HADHB: variants seen among roughly 807,000 people sequenced by gnomAD.
HADHB encodes trifunctional enzyme subunit beta, mitochondrial.
A neutral mutation model predicts 61.9 loss-of-function variants in HADHB; 50 were observed. The ratio of observed to expected loss-of-function variants is 0.81; its 90% confidence interval spans 0.64 to 1.02. The LOEUF (loss-of-function observed/expected upper bound fraction) is 1.02, where lower values mean the gene tolerates loss of function less well. Ranked by LOEUF, HADHB falls within the 50% of genes least tolerant of loss-of-function variation. The pLI is 0.00. For missense variants in HADHB, 504 were observed against 586.5 expected (o/e 0.86, Z 1.45); for synonymous variants, 191 against 201.6 (o/e 0.95, Z 0.45).
chr2:26,285,488 A>G lies in HADHB; in HGVS notation c.1306A>G (p.Arg436Gly). 4 of 1,613,828 alleles carry G rather than the reference A, an allele frequency of 2.5e-6. No homozygotes were observed. The highest frequency in any genetic ancestry group is 3.4e-6 in the Non-Finnish European group (4 of 1,179,730). The part of the protein sequence containing the change: ...LGHPFGATGC[R>G]LVMAAANRLR... ...ACACCCATTTGGAGCCACTGGCTGCAGGTTGGTCATGGCTGCTGCCAACAG... is the reference window on the plus strand; with the variant it reads ...ACACCCATTTGGAGCCACTGGCTGCGGGTTGGTCATGGCTGCTGCCAACAG... The change falls in exon 15 of 16, where the codon AGG (arginine) becomes GGG (glycine). Residue 436 changes from arginine to glycine, a missense_variant. Transcript: ENST00000317799.
intron 15 of HADHB, among the ~76,000 whole-genome samples, 168 bp downstream of exon 15, chr2:26,285,739 G>GTTTTTTTTTTTTTTTTTGTTTTTTTTTTT (rs1673003201): frequency 1.5e-5 from 1 of 65,082 alleles, no homozygotes; most frequent in African/African-American, 6.6e-5. Context: ...TGTTTTTTGG[G>GTTTTTTTTTTTTTTTTTGTTTTTTTTTTT]TTTTTTTTTT....
At chr2:26,256,552 CA>C (rs1382084289) in intron 3 of HADHB, among the ~76,000 whole-genome samples, 1 of 151,948 alleles carries the variant, frequency 6.6e-6, no homozygotes, top group Non-Finnish European at 1.5e-5. Flanking sequence ...TATATACACA[CA>C]CACGTGTATA....
intron 3 of HADHB, among the ~76,000 whole-genome samples, chr2:26,259,512 A>C (rs1181244502): frequency 6.6e-6 from 1 of 151,600 alleles, no homozygotes; most frequent in Non-Finnish European, 1.5e-5. Flanking sequence ...CCTTGTACCT[A>C]CTCCTTGCCC....
intron 1 of HADHB, among the ~76,000 whole-genome samples, chr2:26,250,902 A>G (rs1671373484): frequency 6.6e-6 from 1 of 151,140 alleles, no homozygotes; most frequent in Admixed American, 6.6e-5. Context: ...TAGAATATAT[A>G]TATTTAAAAT....
chr2:26,283,600 C>A (rs1293637296), intron 12 of HADHB, among the ~76,000 whole-genome samples: 1 of 152,058 alleles, frequency 6.6e-6, no homozygotes, highest in Non-Finnish European at 1.5e-5. Context: ...GATTATTTTC[C>A]ATTTTTTTCC....
chr2:26,250,803 A>G (rs1449250599), intron 1 of HADHB, among the ~76,000 whole-genome samples: 1 of 152,034 alleles, frequency 6.6e-6, no homozygotes, highest in Non-Finnish European at 1.5e-5. Context: ...CTTGGGCAAC[A>G]GAGCGAGACC....
intron 1 of HADHB, among the ~76,000 whole-genome samples, chr2:26,247,243 A>G (rs549919519): frequency 6.6e-6 from 1 of 151,970 alleles, no homozygotes; most frequent in Admixed American, 6.6e-5. Flanking sequence ...ATCCTACCCT[A>G]CCCTACCCTG....
Position 26,290,068 on chromosome 2 carries a change from C to G in HADHB, c.*115C>G. On this transcript the variant is annotated 3_prime_UTR_variant, in exon 16 of 16. Coordinates refer to ENST00000317799, the MANE Select transcript of HADHB (RefSeq NM_000183.3). ...CCTAGCTCCTCTTAGGAAAACAGTT[C>G]TTGTGGCCTTCTATTAAATAGTTTG... The G allele has an allele frequency of 1.2e-6, 1 of 805,592 alleles. No homozygotes were observed. The highest frequency in any genetic ancestry group is 2.2e-6 in the Non-Finnish European group (1 of 450,294). The allele number at this position is 805,592 out of a possible 1,614,324, so 49.9% of individuals were successfully genotyped here. A position where few individuals can be genotyped will look rare whatever the true frequency, so the allele number is the denominator to read the frequency against.
chr2:26,255,411 A>C (rs536501413), intron 3 of HADHB, among the ~76,000 whole-genome samples: 1 of 151,926 alleles, frequency 6.6e-6, no homozygotes, highest in East Asian at 1.9e-4. Flanking sequence ...GAGACACGAG[A>C]ATCTTTGAAC....
chr2:26,280,606 A>G (rs4296387), intron 10 of HADHB, among the ~76,000 whole-genome samples: 14,111 of 152,190 alleles, frequency 0.093, 2,274 homozygotes, highest in East Asian at 0.75. Flanking sequence ...TAATCCCAGC[A>G]CTTTGGGAGG....
intron 1 of HADHB, among the ~76,000 whole-genome samples, chr2:26,246,364 G>A (rs1225274212): frequency 1.4e-4 from 20 of 139,656 alleles, no homozygotes; most frequent in African/African-American, 5.3e-4. Context: ...TTTTTTTTGA[G>A]ACAGTTTTGC....
At chr2:26,255,857 G>A (rs542523562) in intron 3 of HADHB, among the ~76,000 whole-genome samples, 1 of 152,248 alleles carries the variant, frequency 6.6e-6, no homozygotes, top group East Asian at 1.9e-4. Flanking sequence ...GTTTGTAGTA[G>A]CCCCATAAAT....
At chr2:26,260,480 A>T (rs1671815762) in intron 3 of HADHB, 1 of 155,300 alleles carries the variant, frequency 6.4e-6, no homozygotes, top group African/African-American at 2.4e-5. Flanking sequence ...AAATTTAGTG[A>T]CCTGTTTTCT....
intron 1 of HADHB, among the ~76,000 whole-genome samples, chr2:26,252,422 A>G (rs1299593404): frequency 6.6e-6 from 1 of 152,162 alleles, no homozygotes; most frequent in African/African-American, 2.4e-5. Flanking sequence ...AAGAAATTAT[A>G]AAAGGTGTGT....
At chr2:26,277,410 A>AT (rs1199113735) in intron 7 of HADHB, among the ~76,000 whole-genome samples, 1 of 151,464 alleles carries the variant, frequency 6.6e-6, no homozygotes, top group Non-Finnish European at 1.5e-5. Flanking sequence ...TAATTTTTAA[A>AT]TTTTTTGTGG....
rs1305784673 is a variant in HADHB at position 26,273,752 on chromosome 2, T to C, written c.354+2T>C. The C allele has an allele frequency of 6.8e-7, 1 of 1,461,626 alleles. No individual in the cohort carries two copies. The highest frequency in any genetic ancestry group is 9.6e-7 in the Non-Finnish European group (1 of 1,040,984). The allele number at this position is 1,461,626 out of a possible 1,614,324, so 90.5% of individuals were successfully genotyped here. Reference sequence around the variant, plus strand: ...AAAACAAGCAATGTGGCTAGAGAGGTGAGTAAAACAAACTTTATGTTGTTT... The same window carrying C: ...AAAACAAGCAATGTGGCTAGAGAGGCGAGTAAAACAAACTTTATGTTGTTT... On this transcript the variant is annotated splice_donor_variant, in intron 6 of 15. Coordinates refer to ENST00000317799, the MANE Select transcript of HADHB (RefSeq NM_000183.3). LOFTEE classifies it high-confidence loss of function.
At chr2:26,277,364 A>C (rs1332739714) in intron 7 of HADHB, among the ~76,000 whole-genome samples, 1 of 151,432 alleles carries the variant, frequency 6.6e-6, no homozygotes, top group East Asian at 1.9e-4. Context: ...TAGGATCCCA[A>C]GTAGCTGGGT....
At chr2:26,246,447 C>G (rs1201541877) in intron 1 of HADHB, among the ~76,000 whole-genome samples, 6 of 151,428 alleles carry the variant, frequency 4.0e-5, no homozygotes, top group African/African-American at 1.5e-4. Flanking sequence ...TCAAGTGATT[C>G]TCCTGCCTCA....
intron 3 of HADHB, chr2:26,261,420 T>C (rs968134920): frequency 2.8e-5 from 5 of 179,536 alleles, no homozygotes; most frequent in Non-Finnish European, 4.7e-5. Flanking sequence ...TTGCATCTTC[T>C]AGCTAACTGT....
Sources: gnomAD v4.1 joint callset for allele counts (sites outside exome capture counted in the v4.1 genomes callset) on GRCh38, gnomAD v4.1.1 for gene constraint, MANE v1.5 for transcripts, NCBI Gene and HGNC (gene_info 2026-07-23, HGNC 2026-07-21) for gene names.